Variants in SYCP2L observed in about 807,000 individuals in gnomAD.
The protein encoded by SYCP2L is synaptonemal complex protein 2 like, also known as synaptonemal complex protein 2-like.
A neutral mutation model predicts 125.8 loss-of-function variants in SYCP2L; 98 were observed. The observed-to-expected ratio is 0.78, with a 90% CI of 0.66 to 0.92. The LOEUF is 0.92. SYCP2L is among the 40% of genes least tolerant of loss of function. The pLI, the probability that SYCP2L is intolerant of heterozygous loss-of-function variation, is 0.00. For missense variants in SYCP2L, 842 were observed against 936.4 expected, an observed-to-expected ratio of 0.90 and a Z score of 1.32; for synonymous variants, 317 against 325.4, an observed-to-expected ratio of 0.97 and a Z score of 0.28.
chr6:10,904,813 C>A (rs1780455501), intron 8 of SYCP2L, among the ~76,000 whole-genome samples: 1 of 152,080 alleles, frequency 6.6e-6, no homozygotes, highest in African/African-American at 2.4e-5. Flanking sequence ...CAAATCTGTT[C>A]TTTAAAATGG....
At chr6:10,938,761 CAACAA>C (rs1409987982) in intron 21 of SYCP2L, among the ~76,000 whole-genome samples, 5 of 152,024 alleles carry the variant, frequency 3.3e-5, no homozygotes, top group South Asian at 2.1e-4. Flanking sequence ...TTCTGGGTTT[CAACAA>C]AACAAAACAA....
At chr6:10,923,616 C>G (rs1014323084) in intron 14 of SYCP2L, among the ~76,000 whole-genome samples, 2 of 151,078 alleles carry the variant, frequency 1.3e-5, no homozygotes, top group African/African-American at 4.9e-5. Flanking sequence ...AAACTCCTGA[C>G]TTCGTGATGC....
intron 29 of SYCP2L, among the ~76,000 whole-genome samples, chr6:10,966,527 A>C (rs1360426274): frequency 2.0e-5 from 3 of 152,172 alleles, no homozygotes; most frequent in Non-Finnish European, 4.4e-5. Flanking sequence ...ATTCTGCCTA[A>C]ATTAGTAAAA....
intron 10 of SYCP2L, 34 bp downstream of exon 10, chr6:10,907,718 C>T (rs777928492): frequency 1.2e-6 from 2 of 1,604,708 alleles, no homozygotes; most frequent in Admixed American, 3.4e-5. Flanking sequence ...TTCTTATTAG[C>T]CAATATTTAT....
At chr6:10,917,656 G>A (rs1161660373) in intron 14 of SYCP2L, among the ~76,000 whole-genome samples, 2 of 152,170 alleles carry the variant, frequency 1.3e-5, no homozygotes, top group South Asian at 4.1e-4. Context: ...TTAGTATTGA[G>A]ATGTGAGGTA....
intron 8 of SYCP2L, among the ~76,000 whole-genome samples, chr6:10,903,280 G>A (rs1054144558): frequency 1.2e-4 from 18 of 150,762 alleles, no homozygotes; most frequent in Admixed American, 6.6e-4. Flanking sequence ...CAGGCGTGGT[G>A]GCTCACGCCT....
intron 4 of SYCP2L, among the ~76,000 whole-genome samples, chr6:10,896,982 CAT>C (rs1378918684): frequency 1.3e-5 from 2 of 152,134 alleles, no homozygotes; most frequent in African/African-American, 4.8e-5. Flanking sequence ...GTCAGAAACT[CAT>C]GTGACTGATG....
chr6:10,924,628 G>T lies in SYCP2L; in HGVS notation c.1205G>T (p.Gly402Val). The T allele has an allele frequency of 6.4e-7, 1 of 1,569,188 alleles. No homozygotes were observed. Reference protein sequence around the residue: ...NISQVSIQALGEDKQMLPDQT... With the variant: ...NISQVSIQALVEDKQMLPDQT... Reference sequence around the variant, plus strand: ...TCACAAGTTTCCATTCAAGCTTTAGGAGAAGACAAACAGGTGGCAGGTTTC... The same window carrying T: ...TCACAAGTTTCCATTCAAGCTTTAGTAGAAGACAAACAGGTGGCAGGTTTC... Residue 402 changes from glycine to valine, a missense_variant, in exon 15 of 30, where the codon GGA becomes GTA. Physicochemically the swap from Gly to Val is moderately radical, Grantham distance 109. Coordinates refer to ENST00000283141, the MANE Select transcript of SYCP2L (RefSeq NM_001040274.3).
chr6:10,918,736 AT>A (rs1422431192), intron 14 of SYCP2L, among the ~76,000 whole-genome samples: 1 of 152,040 alleles, frequency 6.6e-6, no homozygotes, highest in Non-Finnish European at 1.5e-5. Context: ...GGGTTTCACC[AT>A]GTTGGCCAGG....
At chr6:10,962,692 A>G (rs1273081638) in intron 28 of SYCP2L, among the ~76,000 whole-genome samples, 1 of 152,160 alleles carries the variant, frequency 6.6e-6, no homozygotes, top group Admixed American at 6.5e-5. Flanking sequence ...ATTTATATGA[A>G]AAATAACTAT....
At chr6:10,961,442 A>C (rs748919384) in intron 27 of SYCP2L, 38 bp downstream of exon 27, 1 of 1,613,700 alleles carries the variant, frequency 6.2e-7, no homozygotes. Context: ...CTGACTTCGG[A>C]TCTTTCCCAG....
intron 29 of SYCP2L, among the ~76,000 whole-genome samples, chr6:10,969,905 G>T (rs1781743549): frequency 6.6e-6 from 1 of 152,062 alleles, no homozygotes; most frequent in African/African-American, 2.4e-5. Context: ...CCACCTGTAT[G>T]AAATGTTATA....
At chr6:10,949,887 T>C (rs1334136724) in intron 23 of SYCP2L, among the ~76,000 whole-genome samples, 1 of 152,160 alleles carries the variant, frequency 6.6e-6, no homozygotes, top group Non-Finnish European at 1.5e-5. Flanking sequence ...TATATTTGGA[T>C]TGAGTTTTCT....
intron 23 of SYCP2L, among the ~76,000 whole-genome samples, chr6:10,946,955 C>G (rs1217585704): frequency 6.6e-6 from 1 of 151,864 alleles, no homozygotes; most frequent in African/African-American, 2.4e-5. Flanking sequence ...ATTCCTCTTT[C>G]TCCTGCTTGA....
chr6:10,910,109 A>G, intron 10 of SYCP2L, 39 bp from the exon 11 acceptor site: 1 of 1,556,700 alleles, frequency 6.4e-7, no homozygotes, highest in Admixed American at 1.7e-5. Context: ...AGACATCTTG[A>G]TTTTTTTTTA....
chr6:10,925,463 T>A (rs1400279134), intron 15 of SYCP2L, among the ~76,000 whole-genome samples: 3 of 152,226 alleles, frequency 2.0e-5, no homozygotes, highest in African/African-American at 7.2e-5. Flanking sequence ...CAACTCTCTC[T>A]GTTTCCTACT....
intron 29 of SYCP2L, among the ~76,000 whole-genome samples, chr6:10,964,312 G>T (rs997589986): frequency 1.3e-5 from 2 of 152,050 alleles, no homozygotes; most frequent in Non-Finnish European, 2.9e-5. Flanking sequence ...TTTGGGTCTG[G>T]GTCATTCCTT....
intron 28 of SYCP2L, among the ~76,000 whole-genome samples, chr6:10,962,433 G>A (rs1156663431): frequency 6.6e-6 from 1 of 151,996 alleles, no homozygotes; most frequent in Non-Finnish European, 1.5e-5. Context: ...TCTGTGTATA[G>A]TTAAAGGTGA....
At chr6:10,932,842 C>G (rs1034730465) in intron 20 of SYCP2L, among the ~76,000 whole-genome samples, 5 of 152,204 alleles carry the variant, frequency 3.3e-5, no homozygotes, top group African/African-American at 1.2e-4. Context: ...CAACCACCAC[C>G]TCTCAGGTTC....
Sources: gnomAD v4.1 joint callset for allele counts (sites outside exome capture counted in the v4.1 genomes callset) on GRCh38, gnomAD v4.1.1 for gene constraint, MANE v1.5 for transcripts, NCBI Gene and HGNC (gene_info 2026-07-23, HGNC 2026-07-21) for gene names.